ZAN: variants seen among roughly 807,000 people sequenced by gnomAD.
ZAN encodes the protein zonadhesin.
ZAN carries 260 observed loss-of-function variants against 286.2 expected under a neutral mutation model. The ratio of observed to expected loss-of-function variants is 0.91; its 90% CI spans 0.82 to 1.01. ZAN has a LOEUF of 1.01. Ranked by LOEUF, ZAN falls within the 50% of genes least tolerant of loss-of-function variation. The pLI, the probability that ZAN is intolerant of heterozygous loss-of-function variation, is 0.00. For missense variants in ZAN, 3,410 were observed against 3,639.2 expected (o/e 0.94, Z 1.62); for synonymous variants, 1,368 against 1,417.5 (o/e 0.97, Z 0.79).
chr7:100,764,357 T>G (rs1809803874), intron 22 of ZAN, among the ~76,000 whole-genome samples, 161 bp downstream of exon 22: 1 of 152,100 alleles, frequency 6.6e-6, no homozygotes. Context: ...TAGCCAGGCA[T>G]GGTGGCATAT....
At chr7:100,778,260 T>C (rs1810952982) in intron 34 of ZAN, among the ~76,000 whole-genome samples, 1 of 152,130 alleles carries the variant, frequency 6.6e-6, no homozygotes, top group South Asian at 2.1e-4. Context: ...TGAGCTATGA[T>C]TGCATCACTG....
chr7:100,754,323 G>T (rs973713863), intron 14 of ZAN, among the ~76,000 whole-genome samples: 4 of 151,752 alleles, frequency 2.6e-5, no homozygotes, highest in African/African-American at 9.7e-5. Context: ...GCTGAGCGTG[G>T]TGGTGGGTGC....
At chr7:100,762,606 G>A (rs2115987116) in intron 20 of ZAN, among the ~76,000 whole-genome samples, 1 of 151,556 alleles carries the variant, frequency 6.6e-6, no homozygotes, top group African/African-American at 2.4e-5. Context: ...TAGTATTTTT[G>A]TAGAGATGGG....
At chr7:100,749,326 A>G (rs1584560560) in intron 11 of ZAN, among the ~76,000 whole-genome samples, 1 of 151,918 alleles carries the variant, frequency 6.6e-6, no homozygotes, top group South Asian at 2.1e-4. Context: ...GGGGCAACAG[A>G]GTAAGATTCT....
In ZAN at chr7:100,757,485, T is replaced by C. The variant is rs538252282; in HGVS notation, c.3310-717T>C. Among the ~76,000 whole-genome samples, 253 of 152,272 alleles carry C rather than the reference T, an allele frequency of 1.7e-3. 1 individual carries two copies. The highest frequency in any genetic ancestry group is 5.4e-3 in the African/African-American group (223 of 41,564). On this transcript the variant is annotated intron_variant, in intron 15 of 47. Coordinates refer to ENST00000613979, the MANE Select transcript of ZAN (RefSeq NM_003386.3). Reference sequence around the variant, plus strand: ...AAAGACAGATATTGGCTGGGTGCAGTGGCTCATGCCTGTAATCCTAGCACT... The same window carrying C: ...AAAGACAGATATTGGCTGGGTGCAGCGGCTCATGCCTGTAATCCTAGCACT...
chr7:100,786,567 C>G (rs1328600834), intron 37 of ZAN, among the ~76,000 whole-genome samples: 1 of 152,116 alleles, frequency 6.6e-6, no homozygotes, highest in East Asian at 1.9e-4. Context: ...GACCACCACA[C>G]CCAGCCAATT....
intron 39 of ZAN, among the ~76,000 whole-genome samples, chr7:100,790,326 G>C (rs909481860): frequency 2.0e-5 from 3 of 151,946 alleles, no homozygotes; most frequent in Admixed American, 6.6e-5. Flanking sequence ...ACTTTGGGAG[G>C]CCGAGGCAGG....
rs1034024016 is a variant in ZAN at position 100,739,381 on chromosome 7, A to T, written c.766+768A>T. 7.2e-5 allele frequency among the ~76,000 whole-genome samples: 10 copies of T among 138,348 alleles called. 2 individuals carry two copies. The highest frequency in any genetic ancestry group is 2.4e-4 in the African/African-American group (9 of 37,980). The allele number at this position is 138,348 out of a possible 152,430, so 90.8% of individuals were successfully genotyped here. ...GCCAGGTGCTGTCCTAGGCACTTAA[A>T]ATACACCAGTGCAGAAAACAGACAA... On this transcript the variant is annotated intron_variant, in intron 7 of 47. Coordinates refer to ENST00000613979, the MANE Select transcript of ZAN (RefSeq NM_003386.3).
At position 100,753,157 on chromosome 7, in the gene ZAN, T is replaced by C; in HGVS notation, c.3052T>C (p.Ser1018Pro). The C allele has an allele frequency of 6.2e-7, 1 of 1,613,758 alleles. No individual in the cohort carries two copies. The highest frequency in any genetic ancestry group is 2.2e-5 in the East Asian group (1 of 44,876). ...CACTGGGCTGGCAGCCTTGGTGATG[T>C]CTCCACATGCTCCAAGTACCCCTAT... Reference protein sequence around the residue: ...TATGLAALVMSPHAPSTPMTS... With the variant: ...TATGLAALVMPPHAPSTPMTS... The change falls in exon 14 of 48, where the codon TCT becomes CCT. Residue 1018 changes from serine (S) to proline (P), a missense_variant. This residue lies in a region of ZAN where 1,042 missense variants were observed against 1,058.0 expected (regional missense o/e 0.98). Transcript: ENST00000613979.
chr7:100,779,556 C>T lies in ZAN; in HGVS notation c.6428C>T (p.Ala2143Val), dbSNP rs1325786952. 1.2e-6 allele frequency: 2 copies of T among 1,611,328 alleles called. No individual in the cohort carries two copies. The highest frequency in any genetic ancestry group is 1.7e-6 in the Non-Finnish European group (2 of 1,178,902). The change falls in exon 35 of 48, where the codon GCA (alanine) becomes GTA (valine). Residue 2143 changes from alanine to valine, a missense_variant. Around this residue, in one of 7 missense-constraint regions of ZAN, gnomAD observed 1,289 missense variants for 1,314.3 expected, o/e 0.98. Coordinates refer to ENST00000613979, the MANE Select transcript of ZAN (RefSeq NM_003386.3). ...DLRRAREKCE[A>V]ALRAPVWAQC... ...CGCAGGGCGCGGGAAAAGTGCGAGGCAGCGCTCCGGGCTCCTGTGTGGGCC... is the reference window on the plus strand; with the variant it reads ...CGCAGGGCGCGGGAAAAGTGCGAGGTAGCGCTCCGGGCTCCTGTGTGGGCC...
At position 100,773,874 on chromosome 7, in the gene ZAN, A is replaced by G. The variant is rs1212943591; in HGVS notation, c.5779+9A>G. ...CCATTGTCGGGCCTCAGGTAGGAGG[A>G]CCACGGTGATGGGGGGACTCCACAG... On this transcript the variant is annotated intron_variant, in intron 31 of 47. Coordinates refer to ENST00000613979, the MANE Select transcript of ZAN (RefSeq NM_003386.3). The G allele has an allele frequency of 1.3e-6, 2 of 1,597,266 alleles. No homozygotes were observed. The highest frequency in any genetic ancestry group is 1.3e-5 in the African/African-American group (1 of 74,736).
At chr7:100,775,960 C>A in intron 33 of ZAN, 127 bp downstream of exon 33, 5 of 1,270,106 alleles carry the variant, frequency 3.9e-6, no homozygotes, top group Admixed American at 2.6e-5. Context: ...TGGAGCAGGG[C>A]AGTGGAGGAG....
chr7:100,781,538 T>C (rs1180356094), intron 35 of ZAN, among the ~76,000 whole-genome samples: 1 of 150,250 alleles, frequency 6.7e-6, no homozygotes. Context: ...AGGGGGCCGC[T>C]GCTCAGCTGC....
rs376242330 is a variant in ZAN, at chr7:100,767,057, G to A, written c.4660G>A (p.Asp1554Asn). ...ASGDPHYLTF[D>N]GALHHFMGTC... ...GGGTGACCCCCACTACCTGACCTTC[G>A]ATGGCGCCTTGCACCACTTCATGGG... The change falls in exon 25 of 48, where the codon GAT (aspartate) becomes AAT (asparagine). Residue 1554 changes from aspartate (D) to asparagine (N), a missense_variant. By Grantham distance (23) the Asp-to-Asn change is conservative. Transcript: ENST00000613979. The A allele has an allele frequency of 3.1e-6, 5 of 1,613,834 alleles. No homozygotes were observed. Among genetic ancestry groups the A allele is most frequent in the South Asian group, 1.1e-5 (1 of 91,072 alleles).
At chr7:100,750,921 G>GTC in intron 12 of ZAN, 25 bp downstream of exon 12, 1 of 1,525,896 alleles carries the variant, frequency 6.6e-7, no homozygotes. Context: ...CGGGGGTCCT[G>GTC]TCTGTGTGAG....
chr7:100,775,923 C>A, intron 33 of ZAN, 90 bp downstream of exon 33: 1 of 1,518,442 alleles, frequency 6.6e-7, no homozygotes, highest in Non-Finnish European at 8.9e-7. Context: ...TCGCATCGTG[C>A]CTGCCCAAAG....
intron 15 of ZAN, among the ~76,000 whole-genome samples, chr7:100,757,612 G>A (rs11770331): frequency 1.6e-3 from 242 of 151,836 alleles, no homozygotes; most frequent in Non-Finnish European, 2.7e-3. Context: ...AAAATTAGCC[G>A]GGCGTCGTGG....
At chr7:100,749,004 C>T (rs982947838) in intron 11 of ZAN, among the ~76,000 whole-genome samples, 1 of 152,030 alleles carries the variant, frequency 6.6e-6, no homozygotes, top group Non-Finnish European at 1.5e-5. Flanking sequence ...CAGTGCACTC[C>T]AGCCTGGGCA....
chr7:100,748,406 G>A lies in ZAN; in HGVS notation c.1185G>A (p.Trp395Ter). The change falls in exon 11 of 48, where the codon TGG (tryptophan) becomes TGA (stop). Residue 395 changes from tryptophan (W) to a stop codon, truncating the protein, a stop_gained. Coordinates refer to ENST00000613979, the MANE Select transcript of ZAN (RefSeq NM_003386.3). LOFTEE classifies it high-confidence loss of function. ...WVQTSGDGGH[W>*]ALGHKNGPVH... ...AGACTTCCGGGGATGGTGGACACTG[G>A]GCCCTCGGACATAAAAATGGACCCG... 6.2e-7 allele frequency: 1 copy of A among 1,613,916 alleles called. No homozygotes were observed. Among genetic ancestry groups the A allele is most frequent in the Non-Finnish European group, 8.5e-7 (1 of 1,179,890 alleles).
Sources: gnomAD v4.1 joint callset for allele counts (sites outside exome capture counted in the v4.1 genomes callset) on GRCh38, gnomAD v4.1.1 for gene constraint, gnomAD v4.1.1 regional missense constraint, MANE v1.5 for transcripts, NCBI Gene and HGNC (gene_info 2026-07-23, HGNC 2026-07-21) for gene names.